The following MKLN1 variants were observed in gnomAD, a reference collection of about 807,000 sequenced individuals.
The protein encoded by MKLN1 is muskelin 1, also known as muskelin.
Under a neutral mutation model 99.0 loss-of-function variants are expected in MKLN1, and 18 were observed. The ratio of observed to expected loss-of-function variants is 0.18; its 90% CI spans 0.13 to 0.27. The LOEUF is 0.27. Among genes scored for constraint, MKLN1 ranks in the 10% least tolerant of loss-of-function variants. The probability of loss-of-function intolerance (pLI) is 1.00; values close to 1 mark genes in which losing one functional copy is unlikely to be tolerated. For synonymous variants in MKLN1, 288 were observed against 293.2 expected (o/e 0.98, Z 0.18); for missense variants, 621 against 875.9 (o/e 0.71, Z 3.67).
At position 131,291,855 on chromosome 7, in the gene MKLN1, G is replaced by A. The variant is rs138696986; in HGVS notation, c.-178-83569G>A. 4.2e-4 allele frequency among the ~76,000 whole-genome samples: 64 copies of A among 151,908 alleles called. No homozygotes were observed. The East Asian group carries it at 8.9e-3, about 21-fold the overall frequency. On this transcript the variant is annotated intron_variant, in intron 3 of 7. Transcript: ENST00000416992. ...CATGGCAGCTCACACCTGTAATAAC[G>A]GCACTTTGGGAGGACAAGGCGGGAG...
rs560607769 is a variant in MKLN1 at position 131,379,834 on chromosome 7, C to T, written c.168+4341C>T. On this transcript the variant is annotated intron_variant, in intron 2 of 17. Transcript: ENST00000352689. Reference sequence around the variant, plus strand: ...TCATGTACCCTGTAAATATATACACCTACTGTGTGCCCACAAAATTTTTTT... The same window carrying T: ...TCATGTACCCTGTAAATATATACACTTACTGTGTGCCCACAAAATTTTTTT... Among the ~76,000 whole-genome samples, 11 of 152,318 alleles carry T rather than the reference C, an allele frequency of 7.2e-5. No homozygotes were observed. In the South Asian group the frequency reaches 2.3e-3, roughly 32 times the overall value.
intron 7 of MKLN1, among the ~76,000 whole-genome samples, chr7:131,411,968 T>G (rs1163461709): frequency 7.1e-6 from 1 of 139,950 alleles, no homozygotes; most frequent in African/African-American, 2.7e-5. Flanking sequence ...GCATCTGTGG[T>G]CCCAGCTGCT....
intron 1 of MKLN1, among the ~76,000 whole-genome samples, chr7:131,357,483 AGAGTG>A (rs1246257924): frequency 6.6e-6 from 1 of 152,200 alleles, no homozygotes; most frequent in Non-Finnish European, 1.5e-5. Flanking sequence ...CTCAGTTCTT[AGAGTG>A]GAGTATTACA....
At chr7:131,339,504 G>A (rs1799343811) in intron 1 of MKLN1, among the ~76,000 whole-genome samples, 1 of 152,040 alleles carries the variant, frequency 6.6e-6, no homozygotes, top group African/African-American at 2.4e-5. Flanking sequence ...CAGGAATTCA[G>A]CCTGGCCAAC....
At chr7:131,466,512 C>G in intron 15 of MKLN1, 97 bp downstream of exon 15, 1 of 877,444 alleles carries the variant, frequency 1.1e-6, no homozygotes, top group Non-Finnish European at 1.6e-6. Flanking sequence ...CTATGAAGAT[C>G]ATGAATTTTG....
intron 8 of MKLN1, among the ~76,000 whole-genome samples, chr7:131,425,541 CTTCT>C (rs1253823140): frequency 1.3e-5 from 2 of 152,132 alleles, no homozygotes; most frequent in African/African-American, 4.8e-5. Flanking sequence ...GGGACTATGT[CTTCT>C]TTCTTTTGAA....
At chr7:131,327,848 CT>C (rs1431768223), upstream of MKLN1, 15 of 1,599,420 alleles carry the variant, frequency 9.4e-6, no homozygotes, top group African/African-American at 2.7e-5. Context: ...GCCCCCTCCC[CT>C]CCTCCCGTTC....
chr7:131,370,369 TG>T (rs1800309862), intron 1 of MKLN1, among the ~76,000 whole-genome samples: 1 of 149,996 alleles, frequency 6.7e-6, no homozygotes, highest in African/African-American at 2.5e-5. Flanking sequence ...GGATTTAAAG[TG>T]TTTTTTTTTT....
intron 8 of MKLN1, among the ~76,000 whole-genome samples, chr7:131,423,403 G>C (rs1330304558): frequency 4.6e-5 from 7 of 152,292 alleles, no homozygotes; most frequent in East Asian, 3.9e-4. Flanking sequence ...CACAGTCTCA[G>C]CTCACTGCAA....
chr7:131,399,180 G>GT, intron 5 of MKLN1, 61 bp from the exon 6 acceptor site: 1 of 1,392,088 alleles, frequency 7.2e-7, no homozygotes, highest in Non-Finnish European at 1.0e-6. Context: ...TGTTGTTATT[G>GT]TTTCCTACAG....
At chr7:131,206,120 C>T (rs1167181823) in intron 3 of MKLN1, among the ~76,000 whole-genome samples, 1 of 152,120 alleles carries the variant, frequency 6.6e-6, no homozygotes, top group Non-Finnish European at 1.5e-5. Flanking sequence ...TCTCGAACTC[C>T]TGACCTCAGG....
intron 1 of MKLN1, among the ~76,000 whole-genome samples, chr7:131,334,049 A>G (rs1165151656): frequency 6.6e-6 from 1 of 152,178 alleles, no homozygotes; most frequent in Non-Finnish European, 1.5e-5. Context: ...GCTCCCAATA[A>G]CTTTTTTGTT....
chr7:131,202,183 T>C (rs1354544374), intron 2 of MKLN1, among the ~76,000 whole-genome samples: 3 of 129,438 alleles, frequency 2.3e-5, no homozygotes, highest in Non-Finnish European at 4.9e-5. Flanking sequence ...TTTTTTGAGA[T>C]GTTGTCTTGC....
intron 1 of MKLN1, among the ~76,000 whole-genome samples, chr7:131,360,555 T>G (rs1302276198): frequency 6.6e-6 from 1 of 152,188 alleles, no homozygotes; most frequent in African/African-American, 2.4e-5. Context: ...TCATGTGCCA[T>G]GTACCTAATA....
At chr7:131,441,896 GT>G (rs1795851614) in intron 10 of MKLN1, among the ~76,000 whole-genome samples, 1 of 152,214 alleles carries the variant, frequency 6.6e-6, no homozygotes, top group African/African-American at 2.4e-5. Flanking sequence ...TTTCAGCATA[GT>G]TCCCAGATAT....
intron 2 of MKLN1, among the ~76,000 whole-genome samples, chr7:131,181,525 C>A (rs1194222795): frequency 6.6e-6 from 1 of 152,060 alleles, no homozygotes; most frequent in Non-Finnish European, 1.5e-5. Flanking sequence ...TTGGGCAACA[C>A]AGGGAGACTT....
At chr7:131,211,396 T>C (rs1796904135) in intron 3 of MKLN1, among the ~76,000 whole-genome samples, 1 of 152,222 alleles carries the variant, frequency 6.6e-6, no homozygotes, top group Non-Finnish European at 1.5e-5. Flanking sequence ...ATTGATTGTC[T>C]ATGTGTACAA....
At chr7:131,396,580 TA>T (rs778204760) in intron 4 of MKLN1, among the ~76,000 whole-genome samples, 1 of 152,166 alleles carries the variant, frequency 6.6e-6, no homozygotes, top group African/African-American at 2.4e-5. Context: ...TGATGCTTTT[TA>T]AAAAAATCTA....
At chr7:131,171,672 G>C (rs1796218358) in intron 2 of MKLN1, among the ~76,000 whole-genome samples, 1 of 152,036 alleles carries the variant, frequency 6.6e-6, no homozygotes, top group Non-Finnish European at 1.5e-5. Flanking sequence ...TGGCCAGGCT[G>C]ATCTCGAACT....
Sources: gnomAD v4.1 joint callset for allele counts (sites outside exome capture counted in the v4.1 genomes callset) on GRCh38, gnomAD v4.1.1 for gene constraint, MANE v1.5 for transcripts, NCBI Gene and HGNC (gene_info 2026-07-23, HGNC 2026-07-21) for gene names.